EQTN: variants seen among roughly 807,000 people sequenced by gnomAD.
EQTN encodes the protein Acrosome formation associated factor.
Under a neutral mutation model 26.9 loss-of-function variants are expected in EQTN, and 29 were observed. That is an observed-to-expected ratio of 1.08 (90% CI 0.80 to 1.47). The LOEUF (loss-of-function observed/expected upper bound fraction) is 1.47, where lower values mean the gene tolerates loss of function less well. Among genes scored for constraint, EQTN ranks in the 40% most tolerant of loss-of-function variants. The probability of loss-of-function intolerance (pLI) is 0.00; values close to 1 mark genes in which losing one functional copy is unlikely to be tolerated. For missense variants in EQTN, 391 were observed against 346.1 expected (o/e 1.13, Z -1.03); for synonymous variants, 129 against 120.0 (o/e 1.07, Z -0.49).
chr9:27,289,576 C>G lies in EQTN; in HGVS notation c.481+96G>C. ...TGTTGCCCAGGCTGGTCTCGAACTC[C>G]TGGACTCAAGCGATCCACCTGCCTC... is the stretch of plus-strand genomic sequence containing the variant. On this transcript the variant is annotated intron_variant, in intron 6 of 7. Coordinates refer to ENST00000380032, the MANE Select transcript of EQTN (RefSeq NM_020641.3). The G allele has an allele frequency of 5.9e-6, 6 of 1,010,760 alleles. No individual in the cohort carries two copies. In the South Asian group the frequency reaches 1.0e-4, roughly 18 times the overall value. 62.6% of individuals were successfully genotyped at this position (1,010,760 alleles called of 1,614,324 possible).
chr9:27,292,279 T>C (rs748237320), intron 4 of EQTN, 122 bp downstream of exon 4: 5 of 516,078 alleles, frequency 9.7e-6, no homozygotes, highest in Non-Finnish European at 1.7e-5. Flanking sequence ...CTTTAAAAGG[T>C]AGCAGTATAA....
intron 2 of EQTN, among the ~76,000 whole-genome samples, chr9:27,294,906 T>C (rs906829767): frequency 6.6e-6 from 1 of 152,014 alleles, no homozygotes; most frequent in African/African-American, 2.4e-5. Context: ...ATTAGTGGAG[T>C]TGGCTGCAAT....
chr9:27,285,791 T>G (rs1445025973), intron 7 of EQTN, among the ~76,000 whole-genome samples: 2 of 152,164 alleles, frequency 1.3e-5, no homozygotes, highest in African/African-American at 4.8e-5. Flanking sequence ...TTTAATATTT[T>G]TATAAGAAAG....
At chr9:27,294,990 A>G (rs760420951) in intron 2 of EQTN, among the ~76,000 whole-genome samples, 8 of 152,222 alleles carry the variant, frequency 5.3e-5, no homozygotes, top group Non-Finnish European at 7.3e-5. Context: ...CTGGACATGC[A>G]CATGTGTCTC....
At chr9:27,292,922 A>G (rs1401798087) in intron 3 of EQTN, among the ~76,000 whole-genome samples, 3 of 152,148 alleles carry the variant, frequency 2.0e-5, no homozygotes, top group Non-Finnish European at 4.4e-5. Flanking sequence ...TAAATTGGAA[A>G]CAGACATTTG....
chr9:27,288,655 T>C (rs1324633542), intron 6 of EQTN, among the ~76,000 whole-genome samples: 2 of 152,140 alleles, frequency 1.3e-5, no homozygotes, highest in African/African-American at 4.8e-5. Flanking sequence ...GGTGCATTCA[T>C]ACAATGGAAT....
intron 7 of EQTN, among the ~76,000 whole-genome samples, chr9:27,285,614 G>A (rs1035302101): frequency 6.6e-6 from 1 of 152,174 alleles, no homozygotes; most frequent in Non-Finnish European, 1.5e-5. Context: ...TAGGATCACA[G>A]TTTTAATGGA....
chr9:27,293,578 A>G (rs1334743228), intron 3 of EQTN, among the ~76,000 whole-genome samples: 1 of 152,150 alleles, frequency 6.6e-6, no homozygotes, highest in Non-Finnish European at 1.5e-5. Context: ...TGGAAATAAA[A>G]GTGAGGGTTT....
chr9:27,285,092 G>GTAAC, intron 7 of EQTN, 120 bp from the exon 8 acceptor site: 1 of 360,024 alleles, frequency 2.8e-6, no homozygotes, highest in Non-Finnish European at 5.0e-6. Flanking sequence ...TAGTTACTTA[G>GTAAC]TAACATTATG....
chr9:27,285,097 AT>A, intron 7 of EQTN, 125 bp from the exon 8 acceptor site: 1 of 540,584 alleles, frequency 1.8e-6, no homozygotes, highest in Non-Finnish European at 3.1e-6. Flanking sequence ...ACTTAGTAAC[AT>A]TATGTGAATG....
At chr9:27,290,998 T>C in intron 5 of EQTN, 21 bp downstream of exon 5, 1 of 1,607,602 alleles carries the variant, frequency 6.2e-7, no homozygotes. Context: ...TTTCCCAAGC[T>C]ACCTAGCTGT....
intron 6 of EQTN, among the ~76,000 whole-genome samples, chr9:27,289,275 T>A (rs1480055599): frequency 1.3e-5 from 2 of 152,150 alleles, no homozygotes; most frequent in Non-Finnish European, 2.9e-5. Flanking sequence ...GTGGGAGGTA[T>A]AACTAAAAAA....
intron 2 of EQTN, among the ~76,000 whole-genome samples, chr9:27,294,949 G>A (rs1041032823): frequency 6.6e-6 from 1 of 152,084 alleles, no homozygotes. Flanking sequence ...CCCCGCCAAA[G>A]GATCAAAGTG....
Position 27,294,514 on chromosome 9 carries a change from A to T in EQTN, c.203-112T>A, listed in dbSNP as rs1221368811. 2.6e-5 allele frequency: 12 copies of T among 470,470 alleles called. No homozygotes were observed. In the East Asian group the frequency reaches 3.7e-4, roughly 14 times the overall value. 29.1% of individuals were successfully genotyped at this position (470,470 alleles called of 1,614,324 possible). ...ACATGCACTAATTAAAAAAAAATTA[A>T]AAAAGTTATAGTCATTTTTTTTTCA... On this transcript the variant is annotated intron_variant, in intron 2 of 7. Coordinates refer to ENST00000380032, the MANE Select transcript of EQTN (RefSeq NM_020641.3).
Position 27,284,829 on chromosome 9 carries a change from A to G in EQTN, c.779T>C (p.Met260Thr). 6.2e-7 allele frequency: 1 copy of G among 1,614,150 alleles called. No individual in the cohort carries two copies. The highest frequency in any genetic ancestry group is 8.5e-7 in the Non-Finnish European group (1 of 1,180,022). Residue 260 changes from methionine to threonine, a missense_variant, in exon 8 of 8, where the codon ATG becomes ACG. Met to Thr is a moderately conservative substitution (Grantham distance 81). Coordinates refer to ENST00000380032, the MANE Select transcript of EQTN (RefSeq NM_020641.3). ...STFLGTTSSD[M>T]RRSGTRTSES... is the part of the protein sequence containing the mutation. The stretch of plus-strand genomic sequence containing the variant: ...TGATGTTCTTGTGCCTGATCTTCTC[A>G]TATCTGAAGAAGTGGTACCCAAAAA...
At chr9:27,289,823 G>C in intron 5 of EQTN, 92 bp from the exon 6 acceptor site, 1 of 925,750 alleles carries the variant, frequency 1.1e-6, no homozygotes, top group Non-Finnish European at 1.6e-6. Flanking sequence ...ATAGTACCCA[G>C]TGTGTGTACA....
At chr9:27,296,778 T>C (rs1464442875) in intron 1 of EQTN, 40 bp from the exon 2 acceptor site, 2 of 1,584,008 alleles carry the variant, frequency 1.3e-6, no homozygotes, top group Non-Finnish European at 8.5e-7. Flanking sequence ...AGAAATATGT[T>C]GATTTCTTTT....
intron 6 of EQTN, 81 bp downstream of exon 6, chr9:27,289,591 C>A: frequency 8.4e-7 from 1 of 1,193,592 alleles, no homozygotes; most frequent in African/African-American, 1.5e-5. Flanking sequence ...CTCAAGCGAT[C>A]CACCTGCCTC....
At chr9:27,295,858 C>T (rs1177243101) in intron 2 of EQTN, among the ~76,000 whole-genome samples, 2 of 122,940 alleles carry the variant, frequency 1.6e-5, no homozygotes, top group South Asian at 2.7e-4. Context: ...AAAAAAACAA[C>T]GATAAAATTA....
Sources: gnomAD v4.1 joint callset for allele counts (sites outside exome capture counted in the v4.1 genomes callset) on GRCh38, gnomAD v4.1.1 for gene constraint, MANE v1.5 for transcripts, NCBI Gene and HGNC (gene_info 2026-07-23, HGNC 2026-07-21) for gene names.